The following EYS variants were observed in gnomAD, a reference collection of about 807,000 sequenced individuals.
EYS encodes the protein EGF-like photoreceptor maintenance factor, also known as protein eyes shut homolog.
In EYS, 250 loss-of-function variants were observed where a neutral mutation model predicts 282.1. That is an observed-to-expected ratio of 0.89 (90% CI 0.80 to 0.98). The LOEUF (loss-of-function observed/expected upper bound fraction) is 0.98. Among genes scored for constraint, EYS ranks in the 50% least tolerant of loss-of-function variants. The pLI, the probability that EYS is intolerant of heterozygous loss-of-function variation, is 0.00. For missense variants in EYS, 4,016 were observed against 3,709.0 expected (o/e 1.08, Z -2.15); for synonymous variants, 1,355 against 1,282.9 (o/e 1.06, Z -1.20).
At chr6:65,374,349 G>A (rs1276466028) in intron 8 of EYS, among the ~76,000 whole-genome samples, 1 of 152,016 alleles carries the variant, frequency 6.6e-6, no homozygotes, top group African/African-American at 2.4e-5. Context: ...GTGCCATGAG[G>A]GACTGGGCTA....
At chr6:63,804,080 A>G (rs139085317) in intron 37 of EYS, among the ~76,000 whole-genome samples, 1,879 of 152,178 alleles carry the variant, frequency 0.012, 30 homozygotes, top group African/African-American at 0.043. Context: ...GCAACACTGC[A>G]ATCTCGGCTC....
At chr6:63,906,170 C>G (rs111303604) in intron 35 of EYS, among the ~76,000 whole-genome samples, 2,486 of 152,224 alleles carry the variant, frequency 0.016, 74 homozygotes, top group African/African-American at 0.055. Flanking sequence ...CAAAATTATA[C>G]CCAGTTTTCC....
intron 5 of EYS, among the ~76,000 whole-genome samples, chr6:65,445,728 A>G (rs1048672925): frequency 6.6e-6 from 1 of 151,798 alleles, no homozygotes; most frequent in Non-Finnish European, 1.5e-5. Flanking sequence ...TAGAAATAAT[A>G]TATCATGTTT....
intron 41 of EYS, among the ~76,000 whole-genome samples, chr6:63,736,713 C>G (rs1209389446): frequency 1.3e-5 from 2 of 152,112 alleles, no homozygotes; most frequent in African/African-American, 4.8e-5. Flanking sequence ...TTCTTCCTGC[C>G]CATGAGCATG....
chr6:65,510,049 T>G (rs1288328910), intron 2 of EYS, among the ~76,000 whole-genome samples: 2 of 151,976 alleles, frequency 1.3e-5, no homozygotes, highest in Non-Finnish European at 2.9e-5. Flanking sequence ...ACTTTAAGTT[T>G]TAGGGTACAT....
At chr6:64,458,588 C>T (rs199612033) in intron 26 of EYS, among the ~76,000 whole-genome samples, 2 of 151,776 alleles carry the variant, frequency 1.3e-5, no homozygotes, top group Non-Finnish European at 2.9e-5. Context: ...TGCTTCTTTT[C>T]TTTGATGGTC....
intron 14 of EYS, among the ~76,000 whole-genome samples, chr6:64,981,597 A>C (rs540690593): frequency 6.6e-6 from 1 of 151,484 alleles, no homozygotes; most frequent in African/African-American, 2.4e-5. Flanking sequence ...TAGAAAGATG[A>C]CATAATTTCC....
intron 22 of EYS, among the ~76,000 whole-genome samples, chr6:64,645,460 C>T (rs1768316449): frequency 6.6e-6 from 1 of 152,082 alleles, no homozygotes; most frequent in African/African-American, 2.4e-5. Flanking sequence ...TAACAGAAAC[C>T]AAGAAACAGC....
chr6:64,296,124 T>A (rs1486748042), intron 30 of EYS, among the ~76,000 whole-genome samples: 1 of 152,184 alleles, frequency 6.6e-6, no homozygotes, highest in Non-Finnish European at 1.5e-5. Flanking sequence ...TTTAACAATT[T>A]ATTAGTTATC....
At chr6:64,147,657 T>G (rs948302943) in intron 31 of EYS, among the ~76,000 whole-genome samples, 1 of 152,164 alleles carries the variant, frequency 6.6e-6, no homozygotes, top group Non-Finnish European at 1.5e-5. Context: ...CAAGGAGGAC[T>G]CCACTTTACC....
At chr6:64,852,296 T>G (rs1266267815) in intron 19 of EYS, among the ~76,000 whole-genome samples, 1 of 152,140 alleles carries the variant, frequency 6.6e-6, no homozygotes, top group African/African-American at 2.4e-5. Context: ...GGGGACCATG[T>G]AATCAGCTGC....
At position 64,163,456 on chromosome 6, in the gene EYS, GAAAC is replaced by G. The variant is rs371779678; in HGVS notation, c.6424+67132_6424+67135del. Among the ~76,000 whole-genome samples the G allele has an allele frequency of 1.1e-4, 16 of 152,076 alleles. No individual in the cohort carries two copies. In the East Asian group the frequency reaches 2.3e-3, roughly 22 times the overall value. ...TTCTGACATTTTGTCACACCCAAAA[GAAAC>G]AAATCTAATCTACACATTCTTTATT... On this transcript the variant is annotated intron_variant, in intron 31 of 42. Transcript: ENST00000503581.
chr6:64,658,000 T>C (rs9354008), intron 22 of EYS, among the ~76,000 whole-genome samples: 97,456 of 152,006 alleles, frequency 0.64, 31,490 homozygotes, highest in African/African-American at 0.72. Flanking sequence ...ACCAATCAGA[T>C]GTAGATTTGG....
At chr6:64,820,176 G>T (rs1424415658) in intron 21 of EYS, among the ~76,000 whole-genome samples, 4 of 151,934 alleles carry the variant, frequency 2.6e-5, no homozygotes, top group Non-Finnish European at 4.4e-5. Context: ...TTAATGGAAT[G>T]ATTCCTAAGA....
At chr6:64,827,194 T>C (rs1765086922) in intron 19 of EYS, among the ~76,000 whole-genome samples, 1 of 151,990 alleles carries the variant, frequency 6.6e-6, no homozygotes, top group East Asian at 1.9e-4. Context: ...TATTTTCTCA[T>C]ATCCATGTTA....
At chr6:64,525,254 G>T (rs1293105857) in intron 26 of EYS, among the ~76,000 whole-genome samples, 1 of 151,724 alleles carries the variant, frequency 6.6e-6, no homozygotes, top group Middle Eastern at 3.2e-3. Context: ...ATTCACAAGA[G>T]CAAGACATGA....
chr6:64,690,405 T>C (rs1293999599), intron 22 of EYS, among the ~76,000 whole-genome samples: 1 of 152,172 alleles, frequency 6.6e-6, no homozygotes, highest in Non-Finnish European at 1.5e-5. Context: ...TCAACCATCG[T>C]GGAAGACAGT....
chr6:63,912,143 T>C (rs922166303), intron 35 of EYS, among the ~76,000 whole-genome samples: 2 of 152,204 alleles, frequency 1.3e-5, no homozygotes, highest in African/African-American at 4.8e-5. Context: ...GAACAGTGCA[T>C]AAGCAGGAGC....
intron 10 of EYS, 49 bp from the exon 11 acceptor site, chr6:65,335,195 A>G (rs1769941705): frequency 1.6e-6 from 2 of 1,244,652 alleles, no homozygotes. Context: ...ATCACTTACT[A>G]CAATATTACA....
Sources: allele counts gnomAD v4.1 joint callset (sites outside exome capture counted in the v4.1 genomes callset), GRCh38; gene constraint gnomAD v4.1.1; transcripts MANE v1.5; gene names NCBI Gene and HGNC (gene_info 2026-07-23, HGNC 2026-07-21).